The following NCKAP5 variants were observed in gnomAD, a reference collection of about 807,000 sequenced individuals.
NCKAP5 encodes NCK associated protein 5.
In NCKAP5, 92 loss-of-function variants were observed where a neutral mutation model predicts 167.0. The observed-to-expected ratio is 0.55, with a 90% CI of 0.47 to 0.66. The LOEUF (loss-of-function observed/expected upper bound fraction) is 0.66, where lower values mean the gene tolerates loss of function less well. Among genes scored for constraint, NCKAP5 ranks in the 30% least tolerant of loss-of-function variants. NCKAP5 has a pLI of 0.00. For missense variants in NCKAP5, 2,378 were observed against 2,315.0 expected (o/e 1.03, Z -0.56); for synonymous variants, 891 against 877.4 (o/e 1.02, Z -0.27).
At chr2:133,145,126 T>A (rs1309132073) in intron 5 of NCKAP5, among the ~76,000 whole-genome samples, 2 of 152,078 alleles carry the variant, frequency 1.3e-5, no homozygotes, top group African/African-American at 4.8e-5. Context: ...TTAATTTTAT[T>A]ATTTAAATAC....
At chr2:133,299,416 C>T (rs1680195590) in intron 4 of NCKAP5, among the ~76,000 whole-genome samples, 1 of 152,078 alleles carries the variant, frequency 6.6e-6, no homozygotes, top group Non-Finnish European at 1.5e-5. Context: ...TCTCTGTGTA[C>T]AGAGAGAGCA....
chr2:132,673,590 G>A (rs57889347), intron 19 of NCKAP5, among the ~76,000 whole-genome samples: 1,731 of 152,126 alleles, frequency 0.011, 37 homozygotes, highest in African/African-American at 0.04. Context: ...CAGGTAAAGT[G>A]CCTTATTTTT....
intron 4 of NCKAP5, among the ~76,000 whole-genome samples, chr2:133,282,103 C>T (rs2150469759): frequency 6.6e-6 from 1 of 152,264 alleles, no homozygotes; most frequent in East Asian, 1.9e-4. Flanking sequence ...CCCAGCCCTC[C>T]AGCCAAACTA....
chr2:133,396,171 G>A (rs567452751), intron 3 of NCKAP5, among the ~76,000 whole-genome samples: 2 of 152,144 alleles, frequency 1.3e-5, no homozygotes, highest in African/African-American at 2.4e-5. Flanking sequence ...TTCAATGAAC[G>A]TTGTCCATTC....
At chr2:133,003,930 G>A (rs756058450) in intron 6 of NCKAP5, among the ~76,000 whole-genome samples, 9 of 152,170 alleles carry the variant, frequency 5.9e-5, no homozygotes, top group African/African-American at 1.4e-4. Flanking sequence ...CTAACTGCAC[G>A]GAGAGAGGCC....
At chr2:132,992,678 A>C (rs919325765) in intron 7 of NCKAP5, among the ~76,000 whole-genome samples, 1 of 152,184 alleles carries the variant, frequency 6.6e-6, no homozygotes, top group Non-Finnish European at 1.5e-5. Flanking sequence ...AGGAGGACTA[A>C]AATTTTTTCC....
chr2:132,856,821 A>G (rs1689508141), intron 11 of NCKAP5, among the ~76,000 whole-genome samples: 1 of 152,226 alleles, frequency 6.6e-6, no homozygotes, highest in Admixed American at 6.5e-5. Context: ...ATAGGGAATC[A>G]GAAAATTTGT....
chr2:133,586,296 T>C, the NCKAP5 span, among the ~76,000 whole-genome samples: 1 of 152,270 alleles, frequency 6.6e-6, no homozygotes, highest in African/African-American at 2.4e-5. Context: ...ATGTCCACCC[T>C]GAACCCTCAG....
intron 6 of NCKAP5, among the ~76,000 whole-genome samples, chr2:133,068,772 C>T (rs765361351): frequency 2.0e-5 from 3 of 152,132 alleles, no homozygotes; most frequent in Admixed American, 6.5e-5. Flanking sequence ...GTCTATTACC[C>T]CAAGATGTTT....
At chr2:133,486,306 G>C (rs1575044116) in intron 3 of NCKAP5, among the ~76,000 whole-genome samples, 1 of 152,178 alleles carries the variant, frequency 6.6e-6, no homozygotes. Context: ...AAGAAGAAAG[G>C]TCTTAGGTTA....
chr2:133,626,995 T>C, the NCKAP5 span, among the ~76,000 whole-genome samples: 2 of 151,992 alleles, frequency 1.3e-5, no homozygotes, highest in Non-Finnish European at 2.9e-5. Flanking sequence ...ATACAAAAAA[T>C]GAAGACTACA....
intron 5 of NCKAP5, among the ~76,000 whole-genome samples, chr2:133,139,693 G>A (rs184637345): frequency 5.3e-5 from 8 of 152,278 alleles, no homozygotes; most frequent in Admixed American, 5.2e-4. Flanking sequence ...CTAGAGGTGA[G>A]ATACTACCAT....
chr2:133,397,322 G>T (rs1185660555), intron 3 of NCKAP5, among the ~76,000 whole-genome samples: 1 of 152,082 alleles, frequency 6.6e-6, no homozygotes, highest in African/African-American at 2.4e-5. Context: ...CTGGCCATTT[G>T]ATCGCAAGCT....
intron 3 of NCKAP5, among the ~76,000 whole-genome samples, chr2:133,411,752 A>G (rs908669969): frequency 6.6e-6 from 1 of 152,204 alleles, no homozygotes; most frequent in Non-Finnish European, 1.5e-5. Flanking sequence ...CATAAGCCCA[A>G]CAATTCACAA....
chr2:132,920,938 C>T (rs1267866261), intron 8 of NCKAP5, among the ~76,000 whole-genome samples: 1 of 150,044 alleles, frequency 6.7e-6, no homozygotes, highest in African/African-American at 2.5e-5. Context: ...TGATTGAGAT[C>T]CTGATCTCCC....
At chr2:133,384,319 T>C (rs1023366968) in intron 3 of NCKAP5, among the ~76,000 whole-genome samples, 5 of 152,210 alleles carry the variant, frequency 3.3e-5, no homozygotes, top group African/African-American at 1.2e-4. Context: ...AGGGAATCCT[T>C]TCCCCATTTC....
the NCKAP5 span, among the ~76,000 whole-genome samples, chr2:133,645,481 T>C: frequency 1.3e-5 from 2 of 152,158 alleles, no homozygotes; most frequent in African/African-American, 4.8e-5. Flanking sequence ...ACAAGGCATA[T>C]ACAAACAAAA....
intron 3 of NCKAP5, among the ~76,000 whole-genome samples, chr2:133,364,075 AT>A (rs1685297063): frequency 6.6e-6 from 1 of 152,164 alleles, no homozygotes; most frequent in Admixed American, 6.6e-5. Flanking sequence ...CATCATCATC[AT>A]CATCATCGTC....
intron 4 of NCKAP5, among the ~76,000 whole-genome samples, chr2:133,227,572 A>G (rs1388184071): frequency 6.6e-6 from 1 of 152,228 alleles, no homozygotes; most frequent in Non-Finnish European, 1.5e-5. Flanking sequence ...CAACTGAGCC[A>G]TTATTAAACC....
Sources: gnomAD v4.1 joint callset for allele counts (sites outside exome capture counted in the v4.1 genomes callset) on GRCh38, gnomAD v4.1.1 for gene constraint, MANE v1.5 for transcripts, NCBI Gene and HGNC (gene_info 2026-07-23, HGNC 2026-07-21) for gene names.